Variants in KLF12 observed in about 807,000 individuals in gnomAD.
KLF12 encodes the protein Krueppel-like factor 12.
KLF12 carries 9 observed loss-of-function variants against 37.8 expected under a neutral mutation model. The observed-to-expected ratio is 0.24, with a 90% CI of 0.14 to 0.42. KLF12 has a LOEUF of 0.42. Among genes scored for constraint, KLF12 ranks in the 10% least tolerant of loss-of-function variants. The pLI is 1.00. For synonymous variants in KLF12, 208 were observed against 202.1 expected, an observed-to-expected ratio of 1.03 and a Z score of -0.25; for missense variants, 411 against 516.0, an observed-to-expected ratio of 0.80 and a Z score of 1.97.
the KLF12 span, among the ~76,000 whole-genome samples, chr13:74,297,532 C>T: frequency 2.6e-5 from 4 of 152,174 alleles, no homozygotes; most frequent in South Asian, 2.1e-4. Flanking sequence ...TACTGTGGAA[C>T]TGTGGGCAGC....
At chr13:73,724,757 TTAGAC>T (rs1876532953) in intron 6 of KLF12, among the ~76,000 whole-genome samples, 1 of 152,140 alleles carries the variant, frequency 6.6e-6, no homozygotes, top group African/African-American at 2.4e-5. Flanking sequence ...CTCAGAAAGA[TTAGAC>T]TAATTACTGC....
chr13:73,882,633 A>G (rs1887033311), intron 3 of KLF12, among the ~76,000 whole-genome samples: 1 of 152,200 alleles, frequency 6.6e-6, no homozygotes. Context: ...AAGAACACAT[A>G]AGTAATCATA....
the KLF12 span, among the ~76,000 whole-genome samples, chr13:74,152,469 G>T: frequency 2.6e-5 from 4 of 152,022 alleles, no homozygotes; most frequent in African/African-American, 4.8e-5. Context: ...CCAATTTTTT[G>T]TTGTTGTTGT....
At chr13:73,913,023 G>A (rs1888647176) in intron 3 of KLF12, among the ~76,000 whole-genome samples, 1 of 151,902 alleles carries the variant, frequency 6.6e-6, no homozygotes. Flanking sequence ...TGGCCAAGAT[G>A]AGCACTGTGC....
At chr13:74,155,385 G>A in the KLF12 span, among the ~76,000 whole-genome samples, 145 of 147,860 alleles carry the variant, frequency 9.8e-4, 5 homozygotes, top group South Asian at 0.029. Context: ...TTTCTAGACA[G>A]GGTTTTGTTC....
intron 1 of KLF12, among the ~76,000 whole-genome samples, chr13:74,084,257 T>C (rs1875116244): frequency 6.6e-6 from 1 of 152,196 alleles, no homozygotes; most frequent in Admixed American, 6.5e-5. Context: ...ATGAAAGGGC[T>C]ACCAACTTTC....
chr13:73,921,960 G>A (rs1467894204), intron 3 of KLF12, among the ~76,000 whole-genome samples: 1 of 152,132 alleles, frequency 6.6e-6, no homozygotes, highest in African/African-American at 2.4e-5. Context: ...TTTCTATTAT[G>A]TGGTTGCAGA....
intron 5 of KLF12, among the ~76,000 whole-genome samples, chr13:73,797,727 G>A (rs1882059211): frequency 7.4e-6 from 1 of 135,072 alleles, no homozygotes; most frequent in Non-Finnish European, 1.5e-5. Flanking sequence ...CTATGATCAT[G>A]CCACTGCACT....
intron 5 of KLF12, among the ~76,000 whole-genome samples, chr13:73,795,715 G>T (rs1364767106): frequency 6.6e-6 from 1 of 152,146 alleles, no homozygotes; most frequent in African/African-American, 2.4e-5. Context: ...GAGACGGAAG[G>T]TTAGAGAGCT....
At chr13:74,241,672 G>A in the KLF12 span, among the ~76,000 whole-genome samples, 4 of 148,598 alleles carry the variant, frequency 2.7e-5, no homozygotes, top group Non-Finnish European at 6.0e-5. Flanking sequence ...TTTTAAGCCC[G>A]TCGGAAAAGC....
At chr13:74,095,942 A>G (rs374271607) in intron 1 of KLF12, among the ~76,000 whole-genome samples, 19 of 152,270 alleles carry the variant, frequency 1.2e-4, no homozygotes, top group South Asian at 8.3e-4. Flanking sequence ...CACACATCCT[A>G]TATCTCTCAC....
the KLF12 span, among the ~76,000 whole-genome samples, chr13:74,177,401 G>C: frequency 2.6e-5 from 4 of 152,162 alleles, no homozygotes; most frequent in African/African-American, 9.7e-5. Flanking sequence ...CCAGCCCTGC[G>C]TAAAGCACTT....
intron 3 of KLF12, among the ~76,000 whole-genome samples, chr13:73,893,101 T>C (rs1194625934): frequency 6.6e-6 from 1 of 151,974 alleles, no homozygotes; most frequent in South Asian, 2.1e-4. Flanking sequence ...CTTTCTAACA[T>C]CTTATTTTGA....
chr13:74,206,395 A>G, the KLF12 span, among the ~76,000 whole-genome samples: 2 of 152,296 alleles, frequency 1.3e-5, no homozygotes, highest in South Asian at 4.1e-4. Context: ...GTATTCAACA[A>G]CAGACTCATT....
At chr13:74,184,177 T>C in the KLF12 span, among the ~76,000 whole-genome samples, 5 of 152,292 alleles carry the variant, frequency 3.3e-5, no homozygotes, top group East Asian at 3.9e-4. Context: ...CACTAAATTA[T>C]AAGCATAAAA....
the KLF12 span, among the ~76,000 whole-genome samples, chr13:74,146,880 T>C: frequency 6.6e-6 from 1 of 152,184 alleles, no homozygotes; most frequent in South Asian, 2.1e-4. Flanking sequence ...GGAGCTGAGA[T>C]TTGCACCTAC....
intron 1 of KLF12, among the ~76,000 whole-genome samples, chr13:74,047,266 G>A (rs1893571193): frequency 6.6e-6 from 1 of 151,966 alleles, no homozygotes; most frequent in South Asian, 2.1e-4. Context: ...AGGTGACCAG[G>A]CCAAGTGTTA....
intron 1 of KLF12, among the ~76,000 whole-genome samples, chr13:74,016,518 T>C (rs928468200): frequency 1.3e-5 from 2 of 152,126 alleles, no homozygotes; most frequent in Non-Finnish European, 2.9e-5. Context: ...TGTGCCACCA[T>C]GCCCAGCTAA....
chr13:74,289,628 G>T, the KLF12 span, among the ~76,000 whole-genome samples: 1 of 152,064 alleles, frequency 6.6e-6, no homozygotes, highest in African/African-American at 2.4e-5. Flanking sequence ...AGGTAATAAG[G>T]GAAGGGAAAA....
Sources: allele counts gnomAD v4.1 joint callset (sites outside exome capture counted in the v4.1 genomes callset), GRCh38; gene constraint gnomAD v4.1.1; transcripts MANE v1.5; gene names NCBI Gene and HGNC (gene_info 2026-07-23, HGNC 2026-07-21).